The following PARP8 variants were observed in gnomAD, a reference collection of about 807,000 sequenced individuals.
PARP8 encodes the protein protein mono-ADP-ribosyltransferase PARP8.
PARP8 carries 51 observed loss-of-function variants against 124.1 expected under a neutral mutation model. That is an observed-to-expected ratio of 0.41 (90% CI 0.33 to 0.52). The LOEUF (loss-of-function observed/expected upper bound fraction) is 0.52. PARP8 is among the 20% of genes least tolerant of loss of function. The pLI, the probability that PARP8 is intolerant of heterozygous loss-of-function variation, is 0.21. For missense variants in PARP8, 860 were observed against 1,018.9 expected (o/e 0.84, Z 2.12); for synonymous variants, 391 against 361.5 (o/e 1.08, Z -0.93).
At chr5:50,828,129 C>T in intron 20 of PARP8, 73 bp downstream of exon 20, 2 of 1,220,040 alleles carry the variant, frequency 1.6e-6, no homozygotes. Flanking sequence ...GAAGATATCA[C>T]TGTCTTTCAG....
In PARP8 at chr5:50,761,905, A is replaced by C. The variant is rs1334173621; in HGVS notation, c.423+7A>C. ...ATTTTATTACGGAGGGCAGGTAAGG[A>C]AACCTGGTCTTCCAAATACCTAGTC... is the stretch of plus-strand genomic sequence containing the variant. On this transcript the variant is annotated splice_region_variant and intron_variant, in intron 6 of 25. Transcript: ENST00000281631. The C allele has an allele frequency of 2.0e-5, 31 of 1,563,626 alleles. No individual in the cohort carries two copies. Among genetic ancestry groups the C allele is most frequent in the Non-Finnish European group, 2.7e-5 (31 of 1,139,878 alleles).
At chr5:50,739,646 T>G (rs1757821847) in intron 2 of PARP8, among the ~76,000 whole-genome samples, 1 of 150,226 alleles carries the variant, frequency 6.7e-6, no homozygotes, top group Non-Finnish European at 1.5e-5. Context: ...ATAAAATAAT[T>G]CTTATTTACA....
intron 14 of PARP8, among the ~76,000 whole-genome samples, 186 bp from the exon 15 acceptor site, chr5:50,815,246 G>T (rs555332217): frequency 6.6e-6 from 1 of 152,056 alleles, no homozygotes; most frequent in East Asian, 1.9e-4. Flanking sequence ...CTCTATATTA[G>T]TAAATGACTC....
At chr5:50,754,331 C>CA (rs1759663557) in intron 3 of PARP8, among the ~76,000 whole-genome samples, 1 of 151,574 alleles carries the variant, frequency 6.6e-6, no homozygotes, top group Non-Finnish European at 1.5e-5. Context: ...ATCCCTCCCC[C>CA]CAGCCTCCCA....
Position 50,822,418 on chromosome 5 carries a change from T to A in PARP8, c.1860+18T>A, listed in dbSNP as rs1388835281. On this transcript the variant is annotated intron_variant, in intron 17 of 25. Coordinates refer to ENST00000281631, the MANE Select transcript of PARP8 (RefSeq NM_024615.4). ...TGACACAAGTAAGTATGTCATCTGG[T>A]CTTGTACAGTATATTTTTAAAATGT... 1 of 1,560,726 alleles carries A rather than the reference T, an allele frequency of 6.4e-7. No homozygotes were observed. Among genetic ancestry groups the A allele is most frequent in the Non-Finnish European group, 8.8e-7 (1 of 1,134,260 alleles).
chr5:50,798,788 A>G (rs1742861165), intron 14 of PARP8, among the ~76,000 whole-genome samples: 1 of 152,134 alleles, frequency 6.6e-6, no homozygotes, highest in Non-Finnish European at 1.5e-5. Context: ...CTGATGACTG[A>G]CTAAAAGATA....
intron 7 of PARP8, among the ~76,000 whole-genome samples, chr5:50,777,471 T>C (rs1488100912): frequency 6.6e-6 from 1 of 152,152 alleles, no homozygotes; most frequent in Non-Finnish European, 1.5e-5. Context: ...GTATGTTGGT[T>C]CGTGGCAGTA....
rs1019521199 is a variant in PARP8, at chr5:50,845,532, C to T, written c.*3464C>T. Reference sequence around the variant, plus strand: ...GTAAGGTAAATTGGGTTTTCAATGTCAGGAACAAATAAAATTTTGCAAATA... The same window carrying T: ...GTAAGGTAAATTGGGTTTTCAATGTTAGGAACAAATAAAATTTTGCAAATA... On this transcript the variant is annotated 3_prime_UTR_variant, in exon 26 of 26. Coordinates refer to ENST00000281631, the MANE Select transcript of PARP8 (RefSeq NM_024615.4). The T allele has an allele frequency of 3.3e-5, 5 of 151,646 alleles. No individual in the cohort carries two copies. The highest frequency in any genetic ancestry group is 1.3e-4 in the Admixed American group (2 of 15,172). 9.4% of individuals were successfully genotyped at this position (151,646 alleles called of 1,614,324 possible).
In PARP8 at chr5:50,733,618, G is replaced by A. The variant is rs572168402; in HGVS notation, c.147-16533G>A. The stretch of plus-strand genomic sequence containing the variant: ...ACTATACTCAGGGACAGAAATCGTG[G>A]TTGAATAATTTAGAAAATAGTTACT... On this transcript the variant is annotated intron_variant, in intron 2 of 25. Transcript: ENST00000281631. Among the ~76,000 whole-genome samples, 3 of 152,244 alleles carry A rather than the reference G, an allele frequency of 2.0e-5. No individual in the cohort carries two copies. The South Asian group carries it at 6.2e-4, about 32-fold the overall frequency.
intron 2 of PARP8, among the ~76,000 whole-genome samples, chr5:50,683,544 A>T (rs1751520108): frequency 6.6e-6 from 1 of 152,192 alleles, no homozygotes; most frequent in African/African-American, 2.4e-5. Context: ...AATATGAGTA[A>T]TTGTGCAGGG....
chr5:50,717,398 T>C (rs965566276), intron 2 of PARP8, among the ~76,000 whole-genome samples: 4 of 151,954 alleles, frequency 2.6e-5, no homozygotes, highest in Admixed American at 6.6e-5. Flanking sequence ...TGAGCAAGTA[T>C]GTAGATGCTA....
At chr5:50,666,073 A>C (rs1159725456), upstream of PARP8, 1 of 152,156 alleles carries the variant, frequency 6.6e-6, no homozygotes, top group Non-Finnish European at 1.5e-5. Context: ...AGAACTGGTG[A>C]GTTTCAAGAG....
intron 2 of PARP8, among the ~76,000 whole-genome samples, chr5:50,695,468 G>C (rs1387732794): frequency 6.6e-6 from 1 of 152,088 alleles, no homozygotes; most frequent in Non-Finnish European, 1.5e-5. Context: ...GTATTTATTA[G>C]ACACACTTCA....
chr5:50,730,557 C>T (rs551104595), intron 2 of PARP8, among the ~76,000 whole-genome samples: 1 of 152,128 alleles, frequency 6.6e-6, no homozygotes, highest in Non-Finnish European at 1.5e-5. Flanking sequence ...TCCTATGACA[C>T]GTGGAGATTA....
At chr5:50,728,718 A>G (rs1313636711) in intron 2 of PARP8, among the ~76,000 whole-genome samples, 1 of 152,078 alleles carries the variant, frequency 6.6e-6, no homozygotes, top group African/African-American at 2.4e-5. Context: ...TATTTAAAGT[A>G]TTTTAATATC....
chr5:50,827,127 C>T (rs538754859), intron 19 of PARP8, among the ~76,000 whole-genome samples: 1 of 152,070 alleles, frequency 6.6e-6, no homozygotes, highest in Non-Finnish European at 1.5e-5. Context: ...TAATCGTTGT[C>T]AGTTTCATGT....
At chr5:50,824,549 G>C (rs1290552477) in intron 17 of PARP8, among the ~76,000 whole-genome samples, 1 of 152,086 alleles carries the variant, frequency 6.6e-6, no homozygotes, top group African/African-American at 2.4e-5. Context: ...TGGCAAAGTG[G>C]GTTGGTACAA....
chr5:50,742,402 G>A (rs1181288927), intron 2 of PARP8, among the ~76,000 whole-genome samples: 1 of 152,156 alleles, frequency 6.6e-6, no homozygotes, highest in African/African-American at 2.4e-5. Flanking sequence ...TATGAGTTCT[G>A]TGCAGCAAGT....
intron 7 of PARP8, among the ~76,000 whole-genome samples, chr5:50,774,338 G>A (rs1485625171): frequency 1.3e-5 from 2 of 152,046 alleles, no homozygotes; most frequent in African/African-American, 4.8e-5. Flanking sequence ...GCCCGTTCTC[G>A]ATGGTCACTG....
Sources: gnomAD v4.1 joint callset for allele counts (sites outside exome capture counted in the v4.1 genomes callset) on GRCh38, gnomAD v4.1.1 for gene constraint, MANE v1.5 for transcripts, NCBI Gene and HGNC (gene_info 2026-07-23, HGNC 2026-07-21) for gene names.